The following PTPRN2 variants were observed in gnomAD, a reference collection of about 807,000 sequenced individuals.
PTPRN2 encodes receptor-type tyrosine-protein phosphatase N2.
Under a neutral mutation model 118.8 loss-of-function variants are expected in PTPRN2, and 74 were observed. The ratio of observed to expected loss-of-function variants is 0.62; its 90% CI spans 0.52 to 0.76. The LOEUF is 0.76. PTPRN2 is among the 30% of genes least tolerant of loss of function. PTPRN2 has a pLI of 0.00. For missense variants in PTPRN2, 1,481 were observed against 1,394.4 expected (o/e 1.06, Z -0.99); for synonymous variants, 641 against 608.0 (o/e 1.05, Z -0.80).
At chr7:158,359,768 A>C (rs1277055719) in intron 2 of PTPRN2, among the ~76,000 whole-genome samples, 1 of 152,206 alleles carries the variant, frequency 6.6e-6, no homozygotes, top group Non-Finnish European at 1.5e-5. Context: ...TTGAAAATTA[A>C]AACATGATTA....
At chr7:157,644,136 G>A (rs1487987692) in intron 14 of PTPRN2, among the ~76,000 whole-genome samples, 1 of 152,192 alleles carries the variant, frequency 6.6e-6, no homozygotes, top group Non-Finnish European at 1.5e-5. Context: ...TCATTTGCAG[G>A]TGGGGCCTTT....
chr7:158,531,636 C>T (rs1782954680), intron 1 of PTPRN2, among the ~76,000 whole-genome samples: 1 of 152,232 alleles, frequency 6.6e-6, no homozygotes, highest in Non-Finnish European at 1.5e-5. Flanking sequence ...AACACCCCAG[C>T]TGAGAGGAGG....
At chr7:157,879,352 C>A (rs1359372935) in intron 12 of PTPRN2, among the ~76,000 whole-genome samples, 1 of 152,190 alleles carries the variant, frequency 6.6e-6, no homozygotes, top group African/African-American at 2.4e-5. Flanking sequence ...AACACGCACA[C>A]CCAAACACAC....
At position 157,611,289 on chromosome 7, in the gene PTPRN2, G is replaced by A. The variant is rs540116446; in HGVS notation, c.2345-7214C>T. On this transcript the variant is annotated intron_variant, in intron 15 of 22. Transcript: ENST00000389418. The surrounding 1 kb of genome is among the most constrained non-coding windows in gnomAD (Gnocchi z 5.9). ...ATGTTGGGCAGGTGACCTGGGGCAG[G>A]TGGACTAGAAGGAGCCTCAAGCCCT... Among the ~76,000 whole-genome samples, 30 of 152,276 alleles carry A rather than the reference G, an allele frequency of 2.0e-4. No homozygotes were observed. Among genetic ancestry groups the A allele is most frequent in the African/African-American group, 6.7e-4 (28 of 41,584 alleles).
intron 2 of PTPRN2, among the ~76,000 whole-genome samples, chr7:158,317,770 G>C (rs2151097603): frequency 6.6e-6 from 1 of 152,320 alleles, no homozygotes; most frequent in South Asian, 2.1e-4. Flanking sequence ...TCGCCGTGCA[G>C]CTTGGCTGAA....
chr7:158,240,725 G>C (rs188109803), intron 3 of PTPRN2, among the ~76,000 whole-genome samples: 221 of 152,300 alleles, frequency 1.5e-3, no homozygotes, highest in African/African-American at 5.2e-3. Context: ...ACTGTGCCTG[G>C]GCAGGTGTTT....
Position 157,596,476 on chromosome 7 carries a change from G to A in PTPRN2, c.2419-1161C>T, listed in dbSNP as rs1041285567. Among the ~76,000 whole-genome samples the A allele has an allele frequency of 4.6e-5, 7 of 152,208 alleles. No individual in the cohort carries two copies. The highest frequency in any genetic ancestry group is 1.4e-4 in the African/African-American group (6 of 41,450). ...AGACCATAATTATTACATTTATTTC[G>A]AAGATTAAGCACAGAAAAAAGAACT... On this transcript the variant is annotated intron_variant, in intron 16 of 22. Coordinates refer to ENST00000389418, the MANE Select transcript of PTPRN2 (RefSeq NM_002847.5). This position sits in a 1 kb window ranked among gnomAD's most constrained non-coding sequence, Gnocchi z 4.2.
chr7:158,134,242 G>A (rs1290359086), intron 8 of PTPRN2, among the ~76,000 whole-genome samples, 183 bp from the exon 9 acceptor site: 1 of 152,140 alleles, frequency 6.6e-6, no homozygotes, highest in Non-Finnish European at 1.5e-5. Flanking sequence ...CGAGCATGAG[G>A]TGTGAGGGCG....
chr7:157,854,491 G>A (rs1809534193), intron 12 of PTPRN2: 2 of 152,320 alleles, frequency 1.3e-5, no homozygotes, highest in Admixed American at 1.3e-4. Flanking sequence ...GCAAAATGAA[G>A]ACAGTTCCTC....
At chr7:157,800,899 C>A (rs2151095737) in intron 12 of PTPRN2, among the ~76,000 whole-genome samples, 1 of 151,690 alleles carries the variant, frequency 6.6e-6, no homozygotes, top group East Asian at 1.9e-4. Flanking sequence ...TTGCAGTGAG[C>A]CGAGATCGCA....
At chr7:157,677,204 G>A (rs1365647138) in intron 13 of PTPRN2, among the ~76,000 whole-genome samples, 1 of 152,182 alleles carries the variant, frequency 6.6e-6, no homozygotes, top group African/African-American at 2.4e-5. Flanking sequence ...GGCAAACATA[G>A]GAATGGCCTA....
At chr7:158,178,583 TTC>T (rs1254183590) in intron 5 of PTPRN2, among the ~76,000 whole-genome samples, 5 of 120,132 alleles carry the variant, frequency 4.2e-5, no homozygotes, top group African/African-American at 1.9e-4. Flanking sequence ...ATACTACATT[TTC>T]TTTCTTTTTT....
chr7:158,269,919 CAGAGAGACAGAGAT>C (rs1798193610), intron 3 of PTPRN2, among the ~76,000 whole-genome samples: 1 of 110,168 alleles, frequency 9.1e-6, no homozygotes, highest in South Asian at 2.4e-4. Context: ...GACAGAGAAA[CAGAGAGACAGAGAT>C]AGAGAGACAC....
rs377077780 is a variant in PTPRN2, at chr7:158,237,139, C to T, written c.278-31866G>A. ...AGCCAGGTATTGTCCAAGGTTTCTCCCCATGTGATAGTCTGAAATATGGCC... is the reference window on the plus strand; with the variant it reads ...AGCCAGGTATTGTCCAAGGTTTCTCTCCATGTGATAGTCTGAAATATGGCC... On this transcript the variant is annotated intron_variant, in intron 3 of 22. Transcript: ENST00000389418. 4.8e-3 allele frequency among the ~76,000 whole-genome samples: 78 copies of T among 16,166 alleles called. 24 individuals carry two copies. The East Asian group carries it at 0.13, about 26-fold the overall frequency. The allele number at this position is 16,166 out of a possible 152,430, so 10.6% of individuals were successfully genotyped here. A position where few individuals can be genotyped will look rare whatever the true frequency, so the allele number is the denominator to read the frequency against.
chr7:157,841,654 C>T (rs1028099935), intron 12 of PTPRN2, among the ~76,000 whole-genome samples: 6 of 152,230 alleles, frequency 3.9e-5, no homozygotes, highest in African/African-American at 1.4e-4. Context: ...GCCTGGCGGA[C>T]TCTGAGGCTC....
intron 11 of PTPRN2, among the ~76,000 whole-genome samples, chr7:157,927,268 T>C (rs34024904): frequency 0.11 from 1,803 of 17,054 alleles, 34 homozygotes; most frequent in Non-Finnish European, 0.14. Context: ...ACCCCAAAGA[T>C]AGGAAGCCCC....
At chr7:157,708,090 G>A (rs1798423244) in intron 12 of PTPRN2, among the ~76,000 whole-genome samples, 1 of 152,252 alleles carries the variant, frequency 6.6e-6, no homozygotes, top group Non-Finnish European at 1.5e-5. Flanking sequence ...TGCTCTGCAA[G>A]GAAGGGTCCC....
In PTPRN2 at chr7:157,674,635, G is replaced by A. The variant is rs539110229; in HGVS notation, c.2001+8090C>T. Among the ~76,000 whole-genome samples, 2 of 152,328 alleles carry A rather than the reference G, an allele frequency of 1.3e-5. No homozygotes were observed. The highest frequency in any genetic ancestry group is 1.5e-5 in the Non-Finnish European group (1 of 68,034). ...AGATAATGCCATTCACCACAGAGGC[G>A]CATTCTCTCTCGTGCCCATCAAGGC... On this transcript the variant is annotated intron_variant, in intron 13 of 22. Coordinates refer to ENST00000389418, the MANE Select transcript of PTPRN2 (RefSeq NM_002847.5). This position sits in a 1 kb window ranked among gnomAD's most constrained non-coding sequence, Gnocchi z 4.5.
At chr7:158,489,972 G>A (rs1018265386) in intron 1 of PTPRN2, among the ~76,000 whole-genome samples, 187 bp from the exon 2 acceptor site, 5 of 152,200 alleles carry the variant, frequency 3.3e-5, no homozygotes, top group Admixed American at 3.3e-4. Flanking sequence ...ACCCGGCCAC[G>A]TGCGAGGCCT....
Sources: allele counts gnomAD v4.1 joint callset (sites outside exome capture counted in the v4.1 genomes callset), GRCh38; gene constraint gnomAD v4.1.1; non-coding constraint Gnocchi (gnomAD v3.1); transcripts MANE v1.5; gene names NCBI Gene and HGNC (gene_info 2026-07-23, HGNC 2026-07-21).